Variants in DPH6 observed in about 807,000 individuals in gnomAD.
DPH6 encodes diphthine--ammonia ligase.
DPH6 carries 33 observed loss-of-function variants against 38.2 expected under a neutral mutation model. The ratio of observed to expected loss-of-function variants is 0.86; its 90% CI spans 0.65 to 1.15. The LOEUF (loss-of-function observed/expected upper bound fraction) is 1.15, where lower values mean the gene tolerates loss of function less well. DPH6 is among the 50% of genes most tolerant of loss of function. The pLI, the probability that DPH6 is intolerant of heterozygous loss-of-function variation, is 0.00. For synonymous variants in DPH6, 108 were observed against 103.0 expected, an observed-to-expected ratio of 1.05 and a Z score of -0.30; for missense variants, 325 against 320.0, an observed-to-expected ratio of 1.02 and a Z score of -0.12.
intron 3 of DPH6, among the ~76,000 whole-genome samples, chr15:35,496,816 A>G (rs2054565382): frequency 6.6e-6 from 1 of 151,768 alleles, no homozygotes; most frequent in African/African-American, 2.4e-5. Context: ...ATCACTCTCA[A>G]CTTTTACTCT....
chr15:35,167,923 T>G, the DPH6 span, among the ~76,000 whole-genome samples: 1 of 152,048 alleles, frequency 6.6e-6, no homozygotes, highest in East Asian at 1.9e-4. Flanking sequence ...TCCCATACTT[T>G]CAATGCCACA....
At chr15:35,392,939 T>C (rs2053079627) in intron 6 of DPH6, among the ~76,000 whole-genome samples, 1 of 152,150 alleles carries the variant, frequency 6.6e-6, no homozygotes, top group South Asian at 2.1e-4. Flanking sequence ...GAGTTTGGCA[T>C]AGCTGGAGCA....
intron 6 of DPH6, among the ~76,000 whole-genome samples, chr15:35,385,846 A>T (rs1566889949): frequency 1.3e-5 from 2 of 151,450 alleles, no homozygotes; most frequent in Admixed American, 6.6e-5. Context: ...ATTGTTTCAC[A>T]TTTTTTTTTA....
intron 3 of DPH6, chr15:35,521,122 T>C: frequency 1.0e-6 from 1 of 985,286 alleles, no homozygotes; most frequent in Non-Finnish European, 1.2e-6. Context: ...AAAGCAATGC[T>C]AAAGTGGCTA....
chr15:35,441,477 G>A (rs1178237274), intron 5 of DPH6, among the ~76,000 whole-genome samples: 1 of 152,206 alleles, frequency 6.6e-6, no homozygotes, highest in African/African-American at 2.4e-5. Context: ...GTACTATGCA[G>A]CCATAAAAAA....
the DPH6 span, among the ~76,000 whole-genome samples, chr15:35,179,290 A>C: frequency 6.6e-6 from 1 of 151,262 alleles, no homozygotes; most frequent in Non-Finnish European, 1.5e-5. Flanking sequence ...TAAAATGCTT[A>C]TTCAATTCAT....
At chr15:35,168,284 A>G in the DPH6 span, among the ~76,000 whole-genome samples, 1 of 151,906 alleles carries the variant, frequency 6.6e-6, no homozygotes, top group Non-Finnish European at 1.5e-5. Context: ...CCTATATTTT[A>G]TTTTCTTCTG....
chr15:35,446,381 C>A (rs1284695614), intron 5 of DPH6, among the ~76,000 whole-genome samples: 1 of 151,474 alleles, frequency 6.6e-6, no homozygotes, highest in African/African-American at 2.4e-5. Context: ...CAGGCACACA[C>A]CACCATGCCC....
chr15:35,515,524 A>G (rs2054833375), intron 3 of DPH6, among the ~76,000 whole-genome samples: 1 of 151,994 alleles, frequency 6.6e-6, no homozygotes, highest in Non-Finnish European at 1.5e-5. Flanking sequence ...GATCAAGACC[A>G]TCATGGCTAA....
At chr15:35,291,589 G>C (rs570155142) in intron 3 of DPH6, among the ~76,000 whole-genome samples, 386 of 152,156 alleles carry the variant, frequency 2.5e-3, no homozygotes, top group African/African-American at 8.9e-3. Context: ...TTATGAAGAT[G>C]AAAATTAAGT....
At chr15:35,427,327 C>T (rs2053581925) in intron 5 of DPH6, among the ~76,000 whole-genome samples, 1 of 151,800 alleles carries the variant, frequency 6.6e-6, no homozygotes, top group Non-Finnish European at 1.5e-5. Context: ...TCACCATGGC[C>T]AGATGGTATT....
chr15:35,222,800 T>G (rs1316764849), intron 3 of DPH6, among the ~76,000 whole-genome samples: 1 of 152,104 alleles, frequency 6.6e-6, no homozygotes, highest in Admixed American at 6.5e-5. Context: ...AACTATCAAT[T>G]TACATTGCCA....
chr15:35,270,793 G>A (rs1251938291), intron 3 of DPH6, among the ~76,000 whole-genome samples: 2 of 152,200 alleles, frequency 1.3e-5, no homozygotes, highest in South Asian at 2.1e-4. Flanking sequence ...AAGGAAATGA[G>A]AAGAAAGCCA....
chr15:35,233,474 GA>G (rs1382934015), intron 3 of DPH6, among the ~76,000 whole-genome samples: 7 of 152,058 alleles, frequency 4.6e-5, no homozygotes, highest in African/African-American at 1.7e-4. Context: ...TCTAGAATAA[GA>G]AAAAATTAAG....
the DPH6 span, among the ~76,000 whole-genome samples, chr15:35,181,364 A>G: frequency 1.5e-5 from 2 of 136,452 alleles, no homozygotes; most frequent in African/African-American, 5.2e-5. Flanking sequence ...TAAGGTATTC[A>G]TTTGGTGCCA....
At chr15:35,503,356 G>A (rs1352650371) in intron 3 of DPH6, among the ~76,000 whole-genome samples, 2 of 151,772 alleles carry the variant, frequency 1.3e-5, no homozygotes, top group Non-Finnish European at 2.9e-5. Flanking sequence ...AACCACACCT[G>A]GACTCAGGGC....
At chr15:35,171,979 T>C in the DPH6 span, among the ~76,000 whole-genome samples, 5 of 152,116 alleles carry the variant, frequency 3.3e-5, no homozygotes, top group Admixed American at 2.6e-4. Flanking sequence ...GCAATTCTCC[T>C]TCCTCAGCCT....
chr15:35,345,932 TATC>T (rs1263554004), intron 3 of DPH6, among the ~76,000 whole-genome samples: 1 of 151,990 alleles, frequency 6.6e-6, no homozygotes. Context: ...CTTTTGGGGT[TATC>T]TTTTCTACTT....
intron 3 of DPH6, among the ~76,000 whole-genome samples, chr15:35,527,020 T>G (rs2055013711): frequency 1.3e-5 from 2 of 152,250 alleles, no homozygotes; most frequent in South Asian, 4.1e-4. Flanking sequence ...TTCAATCCAA[T>G]CTATAATATA....
Sources: allele counts gnomAD v4.1 joint callset (sites outside exome capture counted in the v4.1 genomes callset), GRCh38; gene constraint gnomAD v4.1.1; transcripts MANE v1.5; gene names NCBI Gene and HGNC (gene_info 2026-07-23, HGNC 2026-07-21).